ADARB2: variants seen among roughly 807,000 people sequenced by gnomAD.
The protein encoded by ADARB2 is inactive double-stranded RNA-specific editase B2.
Under a neutral mutation model 62.2 loss-of-function variants are expected in ADARB2, and 25 were observed. That is an observed-to-expected ratio of 0.40 (90% CI 0.29 to 0.56). ADARB2 has a LOEUF of 0.56. Ranked by LOEUF, ADARB2 falls within the 20% of genes least tolerant of loss-of-function variation. ADARB2 has a pLI of 0.43. For missense variants in ADARB2, 1,071 were observed against 1,077.4 expected, an observed-to-expected ratio of 0.99 and a Z score of 0.08; for synonymous variants, 572 against 500.8, an observed-to-expected ratio of 1.14 and a Z score of -1.90.
rs930631808 is a variant in ADARB2 at position 1,363,385 on chromosome 10, G to A, written c.720C>T (p.Arg240=). 6 of 1,332,308 alleles carry A rather than the reference G, an allele frequency of 4.5e-6. No individual in the cohort carries two copies. The highest frequency in any genetic ancestry group is 1.5e-5 in the African/African-American group (1 of 64,712). The allele number at this position is 1,332,308 out of a possible 1,614,324, so 82.5% of individuals were successfully genotyped here. ...CGGACAGAAGCGCGGCGTCCCCGGG[G>A]CGGCCTCCCGCGAGTCCGGGGCGCG... The part of the protein sequence containing the change: ...PAPRPGLAGG[R]PGDAALLSAA... Residue 240 remains arginine (R), a synonymous_variant, in exon 3 of 10, where the codon CGC becomes CGT. Coordinates refer to ENST00000381312, the MANE Select transcript of ADARB2 (RefSeq NM_018702.4).
intron 3 of ADARB2, among the ~76,000 whole-genome samples, chr10:1,300,533 CTA>C (rs1047305616): frequency 2.4e-4 from 36 of 152,236 alleles, no homozygotes; most frequent in Non-Finnish European, 2.9e-5. Context: ...AATATCTTTC[CTA>C]TGTTACTCAT....
chr10:1,308,052 C>A (rs1831647726), intron 3 of ADARB2, among the ~76,000 whole-genome samples: 1 of 147,650 alleles, frequency 6.8e-6, no homozygotes, highest in Admixed American at 6.9e-5. Flanking sequence ...GCACAATGTG[C>A]ACATGTACCC....
chr10:1,338,929 G>C (rs926463533), intron 3 of ADARB2, among the ~76,000 whole-genome samples: 8 of 152,176 alleles, frequency 5.3e-5, no homozygotes, highest in Non-Finnish European at 8.8e-5. Context: ...GGACCTTGAG[G>C]GCTGATCTTC....
chr10:1,226,643 C>T (rs1248272380), intron 6 of ADARB2, among the ~76,000 whole-genome samples: 2 of 152,344 alleles, frequency 1.3e-5, no homozygotes, highest in Non-Finnish European at 2.9e-5. Context: ...GGACCCTCAG[C>T]TGCAGGTCTG....
intron 7 of ADARB2, 104 bp downstream of exon 7, chr10:1,216,847 C>G: frequency 6.9e-7 from 1 of 1,439,288 alleles, no homozygotes; most frequent in South Asian, 1.3e-5. Flanking sequence ...ACCGCATGTG[C>G]CCAGCATCAC....
intron 1 of ADARB2, among the ~76,000 whole-genome samples, chr10:1,422,132 C>T (rs976525193): frequency 1.3e-5 from 2 of 152,154 alleles, no homozygotes; most frequent in South Asian, 2.1e-4. Flanking sequence ...TTAACTTCCA[C>T]GAGTTTTTAA....
intron 1 of ADARB2, among the ~76,000 whole-genome samples, chr10:1,443,283 C>A (rs1017986806): frequency 2.6e-5 from 4 of 152,168 alleles, no homozygotes; most frequent in Admixed American, 1.3e-4. Context: ...ATGTGAGAAA[C>A]CTGGAACCTA....
chr10:1,508,694 G>A (rs781320698), intron 1 of ADARB2, among the ~76,000 whole-genome samples: 2 of 152,210 alleles, frequency 1.3e-5, no homozygotes, highest in Non-Finnish European at 2.9e-5. Context: ...TGGGAGAATC[G>A]CTTGAATCCG....
In ADARB2 at chr10:1,196,140, G is replaced by A. The variant is rs138746409; in HGVS notation, c.1864+3826C>T. Among the ~76,000 whole-genome samples, 1,365 of 151,150 alleles carry A rather than the reference G, an allele frequency of 9.0e-3. 9 individuals are homozygous for A. Among genetic ancestry groups the A allele is most frequent in the Non-Finnish European group, 0.014 (958 of 67,934 alleles). On this transcript the variant is annotated intron_variant, in intron 8 of 9. Transcript: ENST00000381312. ...CTCTAGGACTCTGCGCAGTGTCACC[G>A]CCACACTGAGAGTGCTCCTGATCCT...
intron 1 of ADARB2, among the ~76,000 whole-genome samples, chr10:1,689,211 G>A (rs1358270911): frequency 6.6e-6 from 1 of 152,232 alleles, no homozygotes; most frequent in African/African-American, 2.4e-5. Context: ...ATAATGCCCA[G>A]GTTGCAGTGA....
intron 1 of ADARB2, among the ~76,000 whole-genome samples, chr10:1,510,110 CTCTTTCTTTCTTTCTT>C (rs35894676): frequency 0.014 from 1,443 of 106,218 alleles, 15 homozygotes; most frequent in African/African-American, 0.018. Context: ...CTTTCTTTCT[CTCTTTCTTTCTTTCTT>C]TCTTTCTTTC....
intron 1 of ADARB2, among the ~76,000 whole-genome samples, chr10:1,407,991 G>A (rs1253408410): frequency 1.3e-5 from 2 of 152,166 alleles, no homozygotes; most frequent in African/African-American, 4.8e-5. Context: ...TATTTAAAAA[G>A]GAAATTGCAT....
At chr10:1,556,859 TC>T (rs763488236) in intron 1 of ADARB2, 1 of 532,134 alleles carries the variant, frequency 1.9e-6, no homozygotes. Context: ...CAACCCCTCC[TC>T]ATGGGGGAAG....
Position 1,473,938 on chromosome 10 carries a change from G to A in ADARB2, c.101-94778C>T, listed in dbSNP as rs577065857. 3.8e-4 allele frequency among the ~76,000 whole-genome samples: 58 copies of A among 152,398 alleles called. 1 individual carries two copies. The highest frequency in any genetic ancestry group is 1.3e-3 in the African/African-American group (56 of 41,602). On this transcript the variant is annotated intron_variant, in intron 1 of 9. Coordinates refer to ENST00000381312, the MANE Select transcript of ADARB2 (RefSeq NM_018702.4). ...CGTGGCCGATTACGGAGGAGCCCTT[G>A]GCAGGGGACCGGGTAGTTTCTAGTG...
intron 1 of ADARB2, among the ~76,000 whole-genome samples, chr10:1,381,449 C>A (rs1832482302): frequency 6.6e-6 from 1 of 152,304 alleles, no homozygotes; most frequent in South Asian, 2.1e-4. Context: ...GAAATGAGAG[C>A]CCTCCGGGAA....
chr10:1,559,828 C>G (rs1832763230), intron 1 of ADARB2, among the ~76,000 whole-genome samples: 1 of 152,174 alleles, frequency 6.6e-6, no homozygotes, highest in Admixed American at 6.5e-5. Flanking sequence ...CAAGCAAAAA[C>G]AGTTTATAAA....
chr10:1,544,447 C>T (rs1468345383), intron 1 of ADARB2, among the ~76,000 whole-genome samples: 1 of 152,206 alleles, frequency 6.6e-6, no homozygotes, highest in Non-Finnish European at 1.5e-5. Context: ...TGGCTTTTCA[C>T]ACGGGACGTG....
intron 1 of ADARB2, among the ~76,000 whole-genome samples, chr10:1,654,926 G>A (rs1253912316): frequency 6.6e-6 from 1 of 152,228 alleles, no homozygotes; most frequent in Non-Finnish European, 1.5e-5. Flanking sequence ...GTGTGAAGGT[G>A]CTGGCCAGCC....
intron 2 of ADARB2, among the ~76,000 whole-genome samples, chr10:1,368,052 C>G (rs1055335174): frequency 3.3e-5 from 5 of 152,160 alleles, no homozygotes; most frequent in Non-Finnish European, 7.3e-5. Context: ...GAATCCTCTG[C>G]ACAGGCCCCG....
Sources: allele counts gnomAD v4.1 joint callset (sites outside exome capture counted in the v4.1 genomes callset), GRCh38; gene constraint gnomAD v4.1.1; transcripts MANE v1.5; gene names NCBI Gene and HGNC (gene_info 2026-07-23, HGNC 2026-07-21).